ZNF408: variants seen among roughly 807,000 people sequenced by gnomAD.
ZNF408 encodes the protein zinc finger protein 408, also known as PR domain zinc finger protein 17.
A neutral mutation model predicts 27.6 loss-of-function variants in ZNF408; 24 were observed. The observed-to-expected ratio is 0.87, with a 90% confidence interval of 0.63 to 1.22. The LOEUF is 1.22. Among genes scored for constraint, ZNF408 ranks in the 50% most tolerant of loss-of-function variants. The probability of loss-of-function intolerance (pLI) is 0.00; values close to 1 mark genes in which losing one functional copy is unlikely to be tolerated. For synonymous variants in ZNF408, 410 were observed against 396.1 expected (o/e 1.04, Z -0.42); for missense variants, 897 against 949.0 (o/e 0.95, Z 0.72).
At position 46,704,653 on chromosome 11, in the gene ZNF408, C is replaced by A; in HGVS notation, c.953C>A (p.Pro318His). The A allele has an allele frequency of 6.2e-7, 1 of 1,613,814 alleles. No homozygotes were observed. The change falls in exon 5 of 5, where the codon CCC becomes CAC. Residue 318 changes from proline to histidine, a missense_variant. Pro to His is a moderately conservative substitution (Grantham distance 77). Coordinates refer to ENST00000311764, the MANE Select transcript of ZNF408 (RefSeq NM_024741.3). ...CACAGCCCCAGTGATCAGTGCCCACCCAGAGCAAAGACCCCAGAGCCTGGA... is the reference window on the plus strand; with the variant it reads ...CACAGCCCCAGTGATCAGTGCCCACACAGAGCAAAGACCCCAGAGCCTGGA... ...KLHSPSDQCP[P>H]RAKTPEPGAQ... is the part of the protein sequence containing the mutation.
chr11:46,705,677 G>A lies in ZNF408; in HGVS notation c.1977G>A (p.Leu659=), dbSNP rs1340079182. ...VVLLQAEPQL[L]DTHREEEVSP... is the part of the protein sequence containing the mutation. ...TCCTGCAGGCTGAGCCACAACTGCTGGACACACACAGAGAGGAGGAAGTCT... is the reference window on the plus strand; with the variant it reads ...TCCTGCAGGCTGAGCCACAACTGCTAGACACACACAGAGAGGAGGAAGTCT... The change falls in exon 5 of 5, where the codon CTG becomes CTA. Residue 659 remains leucine (L), a synonymous_variant. Coordinates refer to ENST00000311764, the MANE Select transcript of ZNF408 (RefSeq NM_024741.3). The surrounding 1 kb of genome is among the most constrained non-coding windows in gnomAD (Gnocchi z 6.5). 2 of 1,613,842 alleles carry A rather than the reference G, an allele frequency of 1.2e-6. No individual in the cohort carries two copies. The highest frequency in any genetic ancestry group is 1.3e-5 in the African/African-American group (1 of 75,042).
intron 2 of ZNF408, among the ~76,000 whole-genome samples, chr11:46,702,164 G>A (rs923656606): frequency 1.1e-4 from 17 of 152,050 alleles, no homozygotes; most frequent in African/African-American, 4.8e-5. Flanking sequence ...GCACGATCTC[G>A]CCTTATTGCA....
In ZNF408 at chr11:46,704,985, G is replaced by A. The variant is rs376830686; in HGVS notation, c.1285G>A (p.Val429Met). 26 of 1,613,458 alleles carry A rather than the reference G, an allele frequency of 1.6e-5. No individual in the cohort carries two copies. In the East Asian group the frequency reaches 5.3e-4, roughly 33 times the overall value. ...CCAGCGAGACCTCAAAGAGCACCAG[G>A]TGGTACATTCAGGTGCCCGGCCCTT... ...GTQRDLKEHQVVHSGARPFAC... is the reference protein window; with the variant it reads ...GTQRDLKEHQMVHSGARPFAC... Residue 429 changes from valine to methionine, a missense_variant, in exon 5 of 5, where the codon GTG (valine) becomes ATG (methionine). Val to Met is a conservative substitution (Grantham distance 21). Coordinates refer to ENST00000311764, the MANE Select transcript of ZNF408 (RefSeq NM_024741.3).
rs550160115 is a variant in ZNF408, at chr11:46,702,668, A to C, written c.331-36A>C. The C allele has an allele frequency of 2.5e-6, 4 of 1,603,974 alleles. No individual in the cohort carries two copies. The African/African-American group carries it at 5.4e-5, about 21-fold the overall frequency. ...TTTTTATTCCTACCCGACCCCTCGA[A>C]CACATTTGAGAAGGACTTTTGTTGG... is the stretch of plus-strand genomic sequence containing the variant. On this transcript the variant is annotated intron_variant, in intron 2 of 4. Transcript: ENST00000311764.
At position 46,701,058 on chromosome 11, in the gene ZNF408, C is replaced by T. The variant is rs755003154; in HGVS notation, c.11C>T (p.Ala4Val). The stretch of plus-strand genomic sequence containing the variant: ...GCTTTCTGACCCGGAATGGAGGAGG[C>T]GGAGGAGCTGCTCTTGGAGGGGAAG... MEE[A>V]EELLLEGKKA... Residue 4 changes from alanine to valine, a missense_variant, in exon 1 of 5, where the codon GCG (alanine) becomes GTG (valine). Physicochemically the swap from Ala to Val is moderately conservative, Grantham distance 64. Transcript: ENST00000311764. The T allele has an allele frequency of 6.2e-7, 1 of 1,614,078 alleles. No homozygotes were observed. Among genetic ancestry groups the T allele is most frequent in the South Asian group, 1.1e-5 (1 of 91,082 alleles).
intron 3 of ZNF408, 84 bp from the exon 4 acceptor site, chr11:46,702,900 C>T: frequency 2.4e-5 from 38 of 1,598,054 alleles, no homozygotes; most frequent in Non-Finnish European, 3.3e-5. Context: ...CCTTTAGGAC[C>T]CAGACTGCTT....
chr11:46,703,897 T>G (rs934751427), intron 4 of ZNF408, among the ~76,000 whole-genome samples: 1 of 150,964 alleles, frequency 6.6e-6, no homozygotes, highest in Non-Finnish European at 1.5e-5. Flanking sequence ...CCTCAGCTAA[T>G]TTTTTTGCAT....
Position 46,701,598 on chromosome 11 carries a change from C to T in ZNF408, c.252C>T (p.Pro84=). The T allele has an allele frequency of 1.9e-6, 3 of 1,611,010 alleles. 1 individual carries two copies. In the South Asian group the frequency reaches 3.3e-5, roughly 18 times the overall value. ...GGTGTGTCGGGGACCCCCTGCAGCC[C>T]GGCCTGCTGTGGGGGCCGCTGGAAG... ...GVWCVGDPLQ[P]GLLWGPLEEE... Residue 84 remains proline, a synonymous_variant, in exon 2 of 5, where the codon CCC becomes CCT. Coordinates refer to ENST00000311764, the MANE Select transcript of ZNF408 (RefSeq NM_024741.3).
At chr11:46,703,971 A>T (rs1336019810) in intron 4 of ZNF408, among the ~76,000 whole-genome samples, 3 of 151,390 alleles carry the variant, frequency 2.0e-5, no homozygotes, top group East Asian at 3.9e-4. Flanking sequence ...GCCTCAAGTG[A>T]TCTGCCTGTC....
rs373715660 is a variant in ZNF408, at chr11:46,704,708, G to C, written c.1008G>C (p.Ser336=). The C allele has an allele frequency of 4.4e-6, 7 of 1,608,650 alleles. No homozygotes were observed. The Admixed American group carries it at 1.0e-4, about 23-fold the overall frequency. Residue 336 remains serine (S), a synonymous_variant, in exon 5 of 5, where the codon TCG becomes TCC. Coordinates refer to ENST00000311764, the MANE Select transcript of ZNF408 (RefSeq NM_024741.3). ...AGCAGTCTGGCTTCCCTACACTCTC[G>C]CGGAGCCCTCCTGGCCCAGCAGGAA... is the stretch of plus-strand genomic sequence containing the variant. The part of the protein sequence containing the change: ...GAQQSGFPTL[S]RSPPGPAGSS...
rs1483201968 is a variant in ZNF408, at chr11:46,705,883, C to T, written c.*20C>T. On this transcript the variant is annotated 3_prime_UTR_variant, in exon 5 of 5. Transcript: ENST00000311764. This position sits in a 1 kb window ranked among gnomAD's most constrained non-coding sequence, Gnocchi z 6.5. ...ACCTGACAGCTTTGCCTTTTGCTGACACAGCTCCATAAAGACTCGTGCTTT... is the reference window on the plus strand; with the variant it reads ...ACCTGACAGCTTTGCCTTTTGCTGATACAGCTCCATAAAGACTCGTGCTTT... 1.9e-6 allele frequency: 3 copies of T among 1,602,680 alleles called. No homozygotes were observed. The highest frequency in any genetic ancestry group is 3.4e-5 in the Admixed American group (2 of 58,838).
rs1023159660 is a variant in ZNF408, at chr11:46,705,702, T to TCCCC, written c.2004_2007dup (p.Ala670ProfsTer7). 1.2e-6 allele frequency: 2 copies of TCCCC among 1,613,394 alleles called. No individual in the cohort carries two copies. The highest frequency in any genetic ancestry group is 2.7e-5 in the African/African-American group (2 of 74,884). On this transcript the variant is annotated frameshift_variant, in exon 5 of 5. Transcript: ENST00000311764. LOFTEE classifies it low-confidence loss of function (END_TRUNC). This position sits in a 1 kb window ranked among gnomAD's most constrained non-coding sequence, Gnocchi z 6.5. Reference sequence around the variant, plus strand: ...GGACACACACAGAGAGGAGGAAGTCTCCCCCGCCAGGGATGTTGTTGAGGT... The same window carrying TCCCC: ...GGACACACACAGAGAGGAGGAAGTCTCCCCCCCCCGCCAGGGATGTTGTTGAGGT...
At chr11:46,702,142 T>C (rs1209383125) in intron 2 of ZNF408, among the ~76,000 whole-genome samples, 5 of 152,256 alleles carry the variant, frequency 3.3e-5, no homozygotes, top group African/African-American at 1.2e-4. Flanking sequence ...TCGCCCAGGC[T>C]GGAGTGCAGT....
At position 46,705,224 on chromosome 11, in the gene ZNF408, G is replaced by C; in HGVS notation, c.1524G>C (p.Arg508=). The C allele has an allele frequency of 6.2e-7, 1 of 1,611,944 alleles. No individual in the cohort carries two copies. Among genetic ancestry groups the C allele is most frequent in the Non-Finnish European group, 8.5e-7 (1 of 1,179,898 alleles). Residue 508 remains arginine (R), a synonymous_variant, in exon 5 of 5, where the codon CGG becomes CGC. Transcript: ENST00000311764. The surrounding 1 kb of genome is among the most constrained non-coding windows in gnomAD (Gnocchi z 6.5). The part of the protein sequence containing the change: ...CPHCGRAFRQ[R]GNLRGHLRLH... ...ACTGTGGCCGGGCGTTTCGTCAGCG[G>C]GGCAACCTGCGTGGGCATTTGCGGC...
At position 46,701,781 on chromosome 11, in the gene ZNF408, TAGG is replaced by T. The variant is rs914036021; in HGVS notation, c.330+108_330+110del. The T allele has an allele frequency of 4.5e-6, 6 of 1,336,694 alleles. No individual in the cohort carries two copies. In the African/African-American group the frequency reaches 8.9e-5, roughly 20 times the overall value. The allele number at this position is 1,336,694 out of a possible 1,614,324, so 82.8% of individuals were successfully genotyped here. A position where few individuals can be genotyped will look rare whatever the true frequency, so the allele number is the denominator to read the frequency against. On this transcript the variant is annotated intron_variant, in intron 2 of 4. Coordinates refer to ENST00000311764, the MANE Select transcript of ZNF408 (RefSeq NM_024741.3). The stretch of plus-strand genomic sequence containing the variant: ...TGAAGAAAGAGAGTATTTCAAGAGA[TAGG>T]AGATAGTCTTGTCCCTTCTCTTCAG...
At chr11:46,704,204 G>A in intron 4 of ZNF408, 149 bp from the exon 5 acceptor site, 2 of 788,062 alleles carry the variant, frequency 2.5e-6, no homozygotes, top group Non-Finnish European at 3.9e-6. Flanking sequence ...AATGGAGTGT[G>A]CACCCCATGC....
Position 46,701,569 on chromosome 11 carries a change from G to A in ZNF408, c.223G>A (p.Val75Ile). The A allele has an allele frequency of 6.2e-7, 1 of 1,613,338 alleles. No individual in the cohort carries two copies. The highest frequency in any genetic ancestry group is 8.5e-7 in the Non-Finnish European group (1 of 1,179,942). Reference sequence around the variant, plus strand: ...ACTCGCCAAGGAACAGCGCTTGGGGGTCTGGTGTGTCGGGGACCCCCTGCA... The same window carrying A: ...ACTCGCCAAGGAACAGCGCTTGGGGATCTGGTGTGTCGGGGACCCCCTGCA... The part of the protein sequence containing the change: ...PSLAKEQRLG[V>I]WCVGDPLQPG... Residue 75 changes from valine (V) to isoleucine (I), a missense_variant, in exon 2 of 5, where the codon GTC (valine) becomes ATC (isoleucine). Val to Ile is a conservative substitution (Grantham distance 29, BLOSUM62 3). Coordinates refer to ENST00000311764, the MANE Select transcript of ZNF408 (RefSeq NM_024741.3).
At chr11:46,703,332 G>A (rs1026004156) in intron 4 of ZNF408, 89 bp downstream of exon 4, 12 of 1,454,100 alleles carry the variant, frequency 8.3e-6, no homozygotes, top group Admixed American at 4.8e-5. Flanking sequence ...GGCTCATTGC[G>A]GTAAGGAAGG....
intron 2 of ZNF408, 24 bp downstream of exon 2, chr11:46,701,700 C>T (rs1261241331): frequency 6.6e-7 from 1 of 1,509,746 alleles, no homozygotes; most frequent in South Asian, 1.2e-5. Context: ...GAGCGACTTC[C>T]CTCCGCCCTT....
Sources: allele counts gnomAD v4.1 joint callset (sites outside exome capture counted in the v4.1 genomes callset), GRCh38; gene constraint gnomAD v4.1.1; non-coding constraint Gnocchi (gnomAD v3.1); transcripts MANE v1.5; gene names NCBI Gene and HGNC (gene_info 2026-07-23, HGNC 2026-07-21).